Variants in HMGN2 observed in about 807,000 individuals in gnomAD.
HMGN2 encodes non-histone chromosomal protein HMG-17.
Under a neutral mutation model 16.9 loss-of-function variants are expected in HMGN2, and 2 were observed. The observed-to-expected ratio is 0.12, with a 90% CI of 0.05 to 0.37. The LOEUF is 0.37. Among genes scored for constraint, HMGN2 ranks in the 10% least tolerant of loss-of-function variants. The pLI, the probability that HMGN2 is intolerant of heterozygous loss-of-function variation, is 1.00. For synonymous variants in HMGN2, 31 were observed against 34.9 expected, an observed-to-expected ratio of 0.89 and a Z score of 0.39; for missense variants, 90 against 106.0, an observed-to-expected ratio of 0.85 and a Z score of 0.66.
chr1:26,472,467 TC>T lies in HMGN2; in HGVS notation c.-143del. 5.1e-6 allele frequency: 5 copies of T among 974,156 alleles called. No homozygotes were observed. In the Admixed American group the frequency reaches 6.3e-5, roughly 12 times the overall value. The allele number at this position is 974,156 out of a possible 1,614,324, so 60.3% of individuals were successfully genotyped here. On this transcript the variant is annotated 5_prime_UTR_variant, in exon 1 of 6. Transcript: ENST00000361427. ...AATCCGGTTCTAACCGGTCCGGGGC[TC>T]CCAGCGCTATAAAAACTTTATAAAC...
intron 5 of HMGN2, 168 bp downstream of exon 5, chr1:26,474,835 G>C (rs2075597918): frequency 3.2e-6 from 2 of 624,350 alleles, no homozygotes; most frequent in Non-Finnish European, 5.7e-6. Context: ...TCTACTGTCA[G>C]CTGAAGGGCA....
chr1:26,473,649 A>G, intron 2 of HMGN2, 54 bp from the exon 3 acceptor site: 1 of 1,601,874 alleles, frequency 6.2e-7, no homozygotes, highest in Non-Finnish European at 8.6e-7. Flanking sequence ...TTGATACCAA[A>G]CTTTCAAAGC....
At position 26,474,109 on chromosome 1, in the gene HMGN2, C is replaced by G. The variant is rs767207805; in HGVS notation, c.115C>G (p.Pro39Ala). Residue 39 changes from proline to alanine, a missense_variant, in exon 4 of 6, where the codon CCC (proline) becomes GCC (alanine). Pro to Ala is a conservative substitution (Grantham distance 27, BLOSUM62 -1). Transcript: ENST00000361427. Reference protein sequence around the residue: ...SAKPAPPKPEPKPKKAPAKKG... With the variant: ...SAKPAPPKPEAKPKKAPAKKG... ...GAAACCTGCTCCTCCAAAGCCAGAG[C>G]CCAAGCCTAAAAAGGCCCCTGCAAA... 2.5e-6 allele frequency: 4 copies of G among 1,611,200 alleles called. No homozygotes were observed. The highest frequency in any genetic ancestry group is 1.7e-5 in the Admixed American group (1 of 59,244).
intron 5 of HMGN2, 126 bp from the exon 6 acceptor site, chr1:26,474,986 GA>G: frequency 1.3e-6 from 1 of 762,218 alleles, no homozygotes; most frequent in Non-Finnish European, 2.3e-6. Context: ...ATTCTCAGAA[GA>G]AATACTGAGT....
intron 3 of HMGN2, 142 bp downstream of exon 3, chr1:26,473,874 T>G (rs548287947): frequency 2.7e-5 from 25 of 911,924 alleles, no homozygotes; most frequent in Admixed American, 2.2e-4. Flanking sequence ...CCTTTGGGTT[T>G]TGCTGGTTCT....
At position 26,473,501 on chromosome 1, in the gene HMGN2, G is replaced by A. The variant is rs780770697; in HGVS notation, c.34G>A (p.Gly12Arg). The A allele has an allele frequency of 7.4e-6, 12 of 1,613,402 alleles. No homozygotes were observed. The highest frequency in any genetic ancestry group is 2.2e-5 in the East Asian group (1 of 44,876). Residue 12 changes from glycine to arginine, a missense_variant, in exon 2 of 6, where the codon GGA becomes AGA. Transcript: ENST00000361427. Reference sequence around the variant, plus strand: ...CTTATAGGCTGAAGGGGATGCTAAGGGAGATAAAGCAAAGGTGAAGGACGA... The same window carrying A: ...CTTATAGGCTGAAGGGGATGCTAAGAGAGATAAAGCAAAGGTGAAGGACGA... ...PKRKAEGDAKGDKAKVKDEPQ... is the reference protein window; with the variant it reads ...PKRKAEGDAKRDKAKVKDEPQ...
chr1:26,472,893 G>A (rs1356829467), intron 1 of HMGN2, among the ~76,000 whole-genome samples: 4 of 151,578 alleles, frequency 2.6e-5, no homozygotes, highest in Admixed American at 6.6e-5. Flanking sequence ...CGGGCTCGCC[G>A]CCCCCGCCCC....
chr1:26,473,069 C>A, intron 1 of HMGN2: 1 of 250,824 alleles, frequency 4.0e-6, no homozygotes, highest in Non-Finnish European at 7.7e-6. Flanking sequence ...TATGGCCCCG[C>A]CCCCTCGCCC....
In HMGN2 at chr1:26,472,492, AC is replaced by A. The variant is rs553843283; in HGVS notation, c.-115del. The A allele has an allele frequency of 1.4e-5, 17 of 1,229,952 alleles. No individual in the cohort carries two copies. Among genetic ancestry groups the A allele is most frequent in the Admixed American group, 6.1e-5 (3 of 49,250 alleles). The allele number at this position is 1,229,952 out of a possible 1,614,324, so 76.2% of individuals were successfully genotyped here. A position where few individuals can be genotyped will look rare whatever the true frequency, so the allele number is the denominator to read the frequency against. On this transcript the variant is annotated 5_prime_UTR_variant, in exon 1 of 6. Transcript: ENST00000361427. ...TCCCAGCGCTATAAAAACTTTATAAACCCCCCGGAGCCCGAGCAGTGTGAAG... is the reference window on the plus strand; with the variant it reads ...TCCCAGCGCTATAAAAACTTTATAAACCCCCGGAGCCCGAGCAGTGTGAAG...
In HMGN2 at chr1:26,475,819, T is replaced by C. The variant is rs906518124; in HGVS notation, c.*671T>C. On this transcript the variant is annotated 3_prime_UTR_variant, in exon 6 of 6. Transcript: ENST00000361427. Reference sequence around the variant, plus strand: ...ATCAGATGAAGACTTCATTGGGTTTTATAGTGGCTTTCTGATTTTTGGTAG... The same window carrying C: ...ATCAGATGAAGACTTCATTGGGTTTCATAGTGGCTTTCTGATTTTTGGTAG... The C allele has an allele frequency of 3.2e-6, 1 of 314,162 alleles. No homozygotes were observed. The highest frequency in any genetic ancestry group is 2.2e-5 in the African/African-American group (1 of 44,518). The allele number at this position is 314,162 out of a possible 1,614,324, so 19.5% of individuals were successfully genotyped here.
At chr1:26,473,452 A>C (rs1450305115) in intron 1 of HMGN2, 31 bp from the exon 2 acceptor site, 2 of 1,562,646 alleles carry the variant, frequency 1.3e-6, no homozygotes, top group East Asian at 2.2e-5. Context: ...CCACCTCAAA[A>C]TCTGCAGTTT....
Position 26,474,077 on chromosome 1 carries a change from A to C in HMGN2, c.91-8A>C. 2.5e-6 allele frequency: 4 copies of C among 1,606,012 alleles called. No homozygotes were observed. The South Asian group carries it at 4.4e-5, about 18-fold the overall frequency. On this transcript the variant is annotated splice_region_variant and splice_polypyrimidine_tract_variant and intron_variant, in intron 3 of 5. Transcript: ENST00000361427. Reference sequence around the variant, plus strand: ...GTTCACTTTTTCCTCTCTTCCTGCCAAAAAAAGAAACCTGCTCCTCCAAAG... The same window carrying C: ...GTTCACTTTTTCCTCTCTTCCTGCCCAAAAAAGAAACCTGCTCCTCCAAAG...
At position 26,472,795 on chromosome 1, in the gene HMGN2, G is replaced by T. The variant is rs1174534970; in HGVS notation, c.15+168G>T. On this transcript the variant is annotated intron_variant, in intron 1 of 5. Coordinates refer to ENST00000361427, the MANE Select transcript of HMGN2 (RefSeq NM_005517.4). ...GCTCGGGGCTAACCCTGAGCGGCTC[G>T]GCTGCCCGCGGGCGCCAGAGGCCAT... is the stretch of plus-strand genomic sequence containing the variant. Among the ~76,000 whole-genome samples, 15 of 151,726 alleles carry T rather than the reference G, an allele frequency of 9.9e-5. No homozygotes were observed. The East Asian group carries it at 3.0e-3, about 30-fold the overall frequency.
At position 26,472,606 on chromosome 1, in the gene HMGN2, C is replaced by A; in HGVS notation, c.-7C>A. 2 of 1,535,188 alleles carry A rather than the reference C, an allele frequency of 1.3e-6. No individual in the cohort carries two copies. The highest frequency in any genetic ancestry group is 1.7e-6 in the Non-Finnish European group (2 of 1,147,802). ...ACCTACGTCCCGCTGCCGTCGCCGCCGCCACCATGCCCAAGAGAAAGGTAC... is the reference window on the plus strand; with the variant it reads ...ACCTACGTCCCGCTGCCGTCGCCGCAGCCACCATGCCCAAGAGAAAGGTAC... On this transcript the variant is annotated 5_prime_UTR_variant, in exon 1 of 6. Transcript: ENST00000361427.
Position 26,476,235 on chromosome 1 carries a change from A to G in HMGN2, c.*1087A>G, listed in dbSNP as rs561472485. 6.6e-6 allele frequency among the ~76,000 whole-genome samples: 1 copy of G among 152,182 alleles called. No homozygotes were observed. Among genetic ancestry groups the G allele is most frequent in the Non-Finnish European group, 1.5e-5 (1 of 68,030 alleles). On this transcript the variant is annotated 3_prime_UTR_variant, in exon 6 of 6. Transcript: ENST00000361427. ...ATTCCCTGCAGTGTTTGTTTTTTGC[A>G]TGACTCCGAATACATGAAGTGTATT...
At position 26,472,601 on chromosome 1, in the gene HMGN2, G is replaced by A. The variant is rs1356085595; in HGVS notation, c.-12G>A. On this transcript the variant is annotated 5_prime_UTR_variant, in exon 1 of 6. Transcript: ENST00000361427. ...CCAGCACCTACGTCCCGCTGCCGTCGCCGCCGCCACCATGCCCAAGAGAAA... is the reference window on the plus strand; with the variant it reads ...CCAGCACCTACGTCCCGCTGCCGTCACCGCCGCCACCATGCCCAAGAGAAA... 2 of 1,534,604 alleles carry A rather than the reference G, an allele frequency of 1.3e-6. No individual in the cohort carries two copies. Among genetic ancestry groups the A allele is most frequent in the Non-Finnish European group, 1.7e-6 (2 of 1,147,518 alleles).
In HMGN2 at chr1:26,475,902, G is replaced by A. The variant is rs577221426; in HGVS notation, c.*754G>A. On this transcript the variant is annotated 3_prime_UTR_variant, in exon 6 of 6. Coordinates refer to ENST00000361427, the MANE Select transcript of HMGN2 (RefSeq NM_005517.4). Reference sequence around the variant, plus strand: ...ATACTGTTAACGATTGTCTGCCCATGTCCTGCCTGAAATACCATGATTGTT... The same window carrying A: ...ATACTGTTAACGATTGTCTGCCCATATCCTGCCTGAAATACCATGATTGTT... 3.2e-3 allele frequency: 784 copies of A among 241,380 alleles called. 16 individuals carry two copies. The highest frequency in any genetic ancestry group is 0.018 in the African/African-American group (756 of 42,584). The allele number at this position is 241,380 out of a possible 1,614,324, so 15.0% of individuals were successfully genotyped here. A position where few individuals can be genotyped will look rare whatever the true frequency, so the allele number is the denominator to read the frequency against.
chr1:26,472,460 C>T lies in HMGN2; in HGVS notation c.-153C>T. The T allele has an allele frequency of 1.1e-6, 1 of 922,136 alleles. No homozygotes were observed. The highest frequency in any genetic ancestry group is 2.8e-5 in the East Asian group (1 of 35,286). 57.1% of individuals were successfully genotyped at this position (922,136 alleles called of 1,614,324 possible). A position where few individuals can be genotyped will look rare whatever the true frequency, so the allele number is the denominator to read the frequency against. Reference sequence around the variant, plus strand: ...GAGGTGAAATCCGGTTCTAACCGGTCCGGGGCTCCCAGCGCTATAAAAACT... The same window carrying T: ...GAGGTGAAATCCGGTTCTAACCGGTTCGGGGCTCCCAGCGCTATAAAAACT... On this transcript the variant is annotated 5_prime_UTR_variant, in exon 1 of 6. Coordinates refer to ENST00000361427, the MANE Select transcript of HMGN2 (RefSeq NM_005517.4).
rs1370869046 is a variant in HMGN2, at chr1:26,472,646, C to A, written c.15+19C>A. 6.5e-7 allele frequency: 1 copy of A among 1,528,756 alleles called. No individual in the cohort carries two copies. Among genetic ancestry groups the A allele is most frequent in the East Asian group, 2.5e-5 (1 of 40,490 alleles). 94.7% of individuals were successfully genotyped at this position (1,528,756 alleles called of 1,614,324 possible). ...GAGAAAGGTACGTGGCGCGAGGGCCCCAGGCGCCGGGCCACCACTGCCGCC... is the reference window on the plus strand; with the variant it reads ...GAGAAAGGTACGTGGCGCGAGGGCCACAGGCGCCGGGCCACCACTGCCGCC... On this transcript the variant is annotated intron_variant, in intron 1 of 5. Transcript: ENST00000361427.
Sources: allele counts gnomAD v4.1 joint callset (sites outside exome capture counted in the v4.1 genomes callset), GRCh38; gene constraint gnomAD v4.1.1; transcripts MANE v1.5; gene names NCBI Gene and HGNC (gene_info 2026-07-23, HGNC 2026-07-21).